USP48: variants seen among roughly 807,000 people sequenced by gnomAD.
USP48 encodes ubiquitin carboxyl-terminal hydrolase 48.
Under a neutral mutation model 150.7 loss-of-function variants are expected in USP48, and 43 were observed. The ratio of observed to expected loss-of-function variants is 0.29; its 90% CI spans 0.22 to 0.37. The LOEUF (loss-of-function observed/expected upper bound fraction) is 0.37. USP48 is among the 10% of genes least tolerant of loss of function. The pLI, the probability that USP48 is intolerant of heterozygous loss-of-function variation, is 1.00. For missense variants in USP48, 813 were observed against 1,249.6 expected, an observed-to-expected ratio of 0.65 and a Z score of 5.27; for synonymous variants, 396 against 425.9, an observed-to-expected ratio of 0.93 and a Z score of 0.86.
chr1:21,686,717 T>C (rs1488611639), intron 25 of USP48: 1 of 159,928 alleles, frequency 6.3e-6, no homozygotes, highest in Non-Finnish European at 1.4e-5. Flanking sequence ...TTTCCAAGTG[T>C]GGAAACACAT....
chr1:21,724,209 G>T, intron 11 of USP48, 114 bp from the exon 12 acceptor site: 1 of 1,058,922 alleles, frequency 9.4e-7, no homozygotes. Context: ...AGCAGAATCA[G>T]AAGAATCATT....
At position 21,679,299 on chromosome 1, in the gene USP48, C is replaced by A; in HGVS notation, c.*118G>T. On this transcript the variant is annotated 3_prime_UTR_variant, in exon 27 of 27. Transcript: ENST00000308271. The stretch of plus-strand genomic sequence containing the variant: ...CAGTCACGTTTGAATGGATTTCTGC[C>A]TTTTGGAAGGGGCATGTAATGGTTT... The A allele has an allele frequency of 7.5e-7, 1 of 1,330,120 alleles. No individual in the cohort carries two copies. Among genetic ancestry groups the A allele is most frequent in the Non-Finnish European group, 1.1e-6 (1 of 925,504 alleles). The allele number at this position is 1,330,120 out of a possible 1,614,324, so 82.4% of individuals were successfully genotyped here.
chr1:21,757,105 G>C (rs2097838328), intron 2 of USP48: 1 of 735,210 alleles, frequency 1.4e-6, no homozygotes, highest in South Asian at 6.1e-5. Flanking sequence ...TTATATTCTA[G>C]AGATTTTAAA....
chr1:21,716,343 T>A (rs1240575968), intron 14 of USP48, among the ~76,000 whole-genome samples: 2 of 152,024 alleles, frequency 1.3e-5, no homozygotes, highest in Non-Finnish European at 2.9e-5. Flanking sequence ...ACCAAGAGGG[T>A]TGCTAGGTGA....
intron 3 of USP48, 30 bp downstream of exon 3, chr1:21,756,516 G>T: frequency 1.3e-6 from 2 of 1,518,996 alleles, no homozygotes; most frequent in South Asian, 1.3e-5. Context: ...TGTTCAGGAA[G>T]AGAGCTCTCC....
In USP48 at chr1:21,682,621, A is replaced by C. The variant is rs374602801; in HGVS notation, c.3059-1787T>G. 4.1e-4 allele frequency among the ~76,000 whole-genome samples: 63 copies of C among 152,274 alleles called. No homozygotes were observed. In the East Asian group the frequency reaches 9.7e-3, roughly 23 times the overall value. ...GCCAGGCGTAGTGGCTCACGCCTGT[A>C]ATCTCAGCACACTGGGAGGCCGAGG... On this transcript the variant is annotated intron_variant, in intron 25 of 26. Coordinates refer to ENST00000308271, the MANE Select transcript of USP48 (RefSeq NM_032236.8).
chr1:21,762,474 T>G (rs955269134), intron 1 of USP48, among the ~76,000 whole-genome samples: 2 of 152,116 alleles, frequency 1.3e-5, no homozygotes, highest in Admixed American at 6.6e-5. Flanking sequence ...TAAAACAAAG[T>G]AGGCACTTAT....
chr1:21,729,925 C>T, intron 9 of USP48, 93 bp from the exon 10 acceptor site: 1 of 1,472,206 alleles, frequency 6.8e-7, no homozygotes, highest in Non-Finnish European at 9.3e-7. Flanking sequence ...CCAAAATATA[C>T]ACCCAAGACA....
intron 15 of USP48, among the ~76,000 whole-genome samples, chr1:21,708,708 CCT>C (rs1197127254): frequency 1.3e-5 from 2 of 150,998 alleles, no homozygotes; most frequent in Admixed American, 1.3e-4. Flanking sequence ...ATGGTGAAAC[CCT>C]GTCTCTACTA....
At chr1:21,770,414 T>C (rs2097876098) in intron 1 of USP48, among the ~76,000 whole-genome samples, 1 of 151,910 alleles carries the variant, frequency 6.6e-6, no homozygotes, top group South Asian at 2.1e-4. Context: ...GTGTTAGTAA[T>C]GTTTTGATCT....
intron 1 of USP48, among the ~76,000 whole-genome samples, chr1:21,758,910 G>A (rs1009776083): frequency 6.6e-6 from 1 of 152,222 alleles, no homozygotes; most frequent in Non-Finnish European, 1.5e-5. Flanking sequence ...GGTGGTTCAC[G>A]CCTGTAATCC....
At chr1:21,690,203 T>G in intron 23 of USP48, 104 bp from the exon 24 acceptor site, 1 of 1,303,392 alleles carries the variant, frequency 7.7e-7, no homozygotes, top group Non-Finnish European at 1.0e-6. Context: ...AAAAAAAGGC[T>G]TCAGAGTACA....
intron 9 of USP48, among the ~76,000 whole-genome samples, chr1:21,735,497 T>C (rs1404467789): frequency 6.6e-6 from 1 of 152,174 alleles, no homozygotes; most frequent in African/African-American, 2.4e-5. Flanking sequence ...ACACCTGTAA[T>C]CCCAGCACTT....
At chr1:21,734,179 G>A (rs1026549787) in intron 9 of USP48, among the ~76,000 whole-genome samples, 9 of 152,152 alleles carry the variant, frequency 5.9e-5, no homozygotes, top group African/African-American at 2.2e-4. Context: ...TGCAAGGATC[G>A]TCTAAGGGCA....
chr1:21,721,036 C>T lies in USP48; in HGVS notation c.1894G>A (p.Asp632Asn), dbSNP rs772287057. Reference sequence around the variant, plus strand: ...TCTACACATAGGTTTAAAGTGTTACCTTTATTTAAGGTGCTACCGTTCATC... The same window carrying T: ...TCTACACATAGGTTTAAAGTGTTACTTTTATTTAAGGTGCTACCGTTCATC... ...GKMNGSTLNK[D>N]ESKEERKEEE... The change falls in exon 14 of 27, where the codon GAT becomes AAT. Residue 632 changes from aspartate to asparagine, a missense_variant and splice_region_variant. Coordinates refer to ENST00000308271, the MANE Select transcript of USP48 (RefSeq NM_032236.8). The T allele has an allele frequency of 9.3e-6, 15 of 1,614,006 alleles. No individual in the cohort carries two copies. The highest frequency in any genetic ancestry group is 1.6e-4 in the Middle Eastern group (1 of 6,084).
intron 6 of USP48, among the ~76,000 whole-genome samples, chr1:21,750,351 T>C (rs972008056): frequency 2.6e-5 from 4 of 152,098 alleles, no homozygotes; most frequent in African/African-American, 9.7e-5. Flanking sequence ...CCCCTTCACC[T>C]TCAATCATTT....
rs530832973 is a variant in USP48 at position 21,713,853 on chromosome 1, T to C, written c.1963+1536A>G. ...TGTAAAAGACCAACCAGTAGACAGA[T>C]AGGGTGATACGATGGAAAGAACAGA... On this transcript the variant is annotated intron_variant, in intron 15 of 26. Coordinates refer to ENST00000308271, the MANE Select transcript of USP48 (RefSeq NM_032236.8). Among the ~76,000 whole-genome samples the C allele has an allele frequency of 1.2e-4, 18 of 152,216 alleles. No individual in the cohort carries two copies. In the East Asian group the frequency reaches 2.9e-3, roughly 25 times the overall value.
At chr1:21,769,346 C>T (rs10799712) in intron 1 of USP48, among the ~76,000 whole-genome samples, 149,183 of 151,814 alleles carry the variant, frequency 0.98, 73,340 homozygotes, top group Non-Finnish European at 1. Flanking sequence ...AGAGAACTTA[C>T]GAACACAAAG....
chr1:21,718,386 A>C (rs2097710588), intron 14 of USP48, among the ~76,000 whole-genome samples: 1 of 152,244 alleles, frequency 6.6e-6, no homozygotes, highest in African/African-American at 2.4e-5. Context: ...CTACTTTGTC[A>C]CATTTGTGCT....
Sources: gnomAD v4.1 joint callset for allele counts (sites outside exome capture counted in the v4.1 genomes callset) on GRCh38, gnomAD v4.1.1 for gene constraint, MANE v1.5 for transcripts, NCBI Gene and HGNC (gene_info 2026-07-23, HGNC 2026-07-21) for gene names.